The following AGBL2 variants were observed in gnomAD, a reference collection of about 807,000 sequenced individuals.
The protein encoded by AGBL2 is cytosolic carboxypeptidase 2.
AGBL2 carries 87 observed loss-of-function variants against 103.0 expected under a neutral mutation model. The observed-to-expected ratio is 0.84, with a 90% confidence interval of 0.71 to 1.01. The LOEUF (loss-of-function observed/expected upper bound fraction) is 1.01. Ranked by LOEUF, AGBL2 falls within the 50% of genes least tolerant of loss-of-function variation. The pLI is 0.00. For missense variants in AGBL2, 904 were observed against 1,023.5 expected, an observed-to-expected ratio of 0.88 and a Z score of 1.59; for synonymous variants, 335 against 356.7, an observed-to-expected ratio of 0.94 and a Z score of 0.69.
intron 14 of AGBL2, 23 bp from the exon 15 acceptor site, chr11:47,668,930 A>G: frequency 1.3e-6 from 2 of 1,570,736 alleles, no homozygotes; most frequent in Non-Finnish European, 8.8e-7. Flanking sequence ...GAAAAAAAGA[A>G]GAGGAAATAA....
At chr11:47,701,009 C>T (rs1319031736) in intron 7 of AGBL2, among the ~76,000 whole-genome samples, 3 of 150,648 alleles carry the variant, frequency 2.0e-5, no homozygotes, top group Admixed American at 6.6e-5. Flanking sequence ...TGAGCTGACG[C>T]GGTGCCACCG....
At chr11:47,670,684 C>T (rs2097354613) in intron 14 of AGBL2, among the ~76,000 whole-genome samples, 1 of 137,810 alleles carries the variant, frequency 7.3e-6, no homozygotes. Context: ...CAGTGATACC[C>T]TGTCTCTATT....
At chr11:47,704,457 TG>T in intron 7 of AGBL2, 85 bp downstream of exon 7, 1 of 1,222,260 alleles carries the variant, frequency 8.2e-7, no homozygotes, top group Admixed American at 2.4e-5. Flanking sequence ...CACTCCAGCC[TG>T]GGAAATAGAG....
At chr11:47,669,204 ACTACAGG>A (rs1203299859) in intron 14 of AGBL2, among the ~76,000 whole-genome samples, 1 of 152,262 alleles carries the variant, frequency 6.6e-6, no homozygotes, top group East Asian at 1.9e-4. Flanking sequence ...AGCAACTGAG[ACTACAGG>A]CTCATGCCGC....
At chr11:47,663,768 C>T (rs1429841821) in intron 17 of AGBL2, among the ~76,000 whole-genome samples, 2 of 152,004 alleles carry the variant, frequency 1.3e-5, no homozygotes, top group Non-Finnish European at 2.9e-5. Context: ...GTTGGTCAGG[C>T]TGGTCTTGAA....
intron 14 of AGBL2, among the ~76,000 whole-genome samples, chr11:47,673,829 G>C (rs1427078847): frequency 2.8e-5 from 4 of 144,198 alleles, no homozygotes; most frequent in African/African-American, 1.0e-4. Context: ...GCCAGGCGCA[G>C]TGGTTCATGC....
chr11:47,714,505 GAA>G, intron 2 of AGBL2, 111 bp downstream of exon 2: 1 of 1,386,964 alleles, frequency 7.2e-7, no homozygotes, highest in Non-Finnish European at 1.0e-6. Flanking sequence ...CTCCAGCTGA[GAA>G]AAGATGCCAC....
intron 14 of AGBL2, among the ~76,000 whole-genome samples, chr11:47,669,265 A>G (rs1170598618): frequency 6.6e-6 from 1 of 152,120 alleles, no homozygotes; most frequent in Middle Eastern, 3.2e-3. Context: ...ACAGGATCCC[A>G]CTATGTTGCC....
chr11:47,667,754 A>G, intron 15 of AGBL2, 58 bp from the exon 16 acceptor site: 3 of 1,572,264 alleles, frequency 1.9e-6, no homozygotes, highest in Non-Finnish European at 2.6e-6. Flanking sequence ...GCCCACCCAC[A>G]TGTGGCACTC....
chr11:47,677,176 T>A (rs1378675688), intron 14 of AGBL2, 95 bp downstream of exon 14: 1 of 1,070,142 alleles, frequency 9.3e-7, no homozygotes, highest in Non-Finnish European at 1.2e-6. Flanking sequence ...CCCAGCTAAT[T>A]TTTGTATTTT....
intron 14 of AGBL2, among the ~76,000 whole-genome samples, chr11:47,671,043 C>T (rs758503926): frequency 2.0e-5 from 3 of 152,180 alleles, no homozygotes; most frequent in Non-Finnish European, 2.9e-5. Flanking sequence ...AAAGTCTTCC[C>T]TCACAAACTG....
chr11:47,668,849 C>T lies in AGBL2; in HGVS notation c.2206G>A (p.Ala736Thr), dbSNP rs745441049. 5 of 1,612,788 alleles carry T rather than the reference C, an allele frequency of 3.1e-6. No individual in the cohort carries two copies. Among genetic ancestry groups the T allele is most frequent in the Non-Finnish European group, 4.2e-6 (5 of 1,179,218 alleles). ...ATAAGAGTTCAGCTTACCTCATCTG[C>T]TATGTTTGCTAGGTGAACAGGAAGA... ...DGLPVHLANI[A>T]DELTQKKKMF... The change falls in exon 15 of 19, where the codon GCA becomes ACA. Residue 736 changes from alanine to threonine, a missense_variant. Coordinates refer to ENST00000525123, the MANE Select transcript of AGBL2 (RefSeq NM_024783.4).
Position 47,699,472 on chromosome 11 carries a change from C to A in AGBL2, c.668G>T (p.Gly223Val). The change falls in exon 8 of 19, where the codon GGA becomes GTA. Residue 223 changes from glycine (G) to valine (V), a missense_variant. By Grantham distance (109) the Gly-to-Val change is moderately radical. Coordinates refer to ENST00000525123, the MANE Select transcript of AGBL2 (RefSeq NM_024783.4). The stretch of plus-strand genomic sequence containing the variant: ...TGAATCTAATTGATAGACAACTGTT[C>A]CTTTTTTCTCTCCTACAATCTCTGG... Reference protein sequence around the residue: ...KVPEIVGEKKGTVVYQLDSVP... With the variant: ...KVPEIVGEKKVTVVYQLDSVP... The A allele has an allele frequency of 1.3e-6, 2 of 1,598,526 alleles. No individual in the cohort carries two copies. The highest frequency in any genetic ancestry group is 1.7e-6 in the Non-Finnish European group (2 of 1,167,690).
At chr11:47,713,610 A>G (rs1219749795) in intron 3 of AGBL2, among the ~76,000 whole-genome samples, 1 of 150,866 alleles carries the variant, frequency 6.6e-6, no homozygotes, top group African/African-American at 2.4e-5. Flanking sequence ...TTTTTTTGAG[A>G]CAGAGTCTCA....
chr11:47,680,723 C>T (rs1304848824), intron 12 of AGBL2, among the ~76,000 whole-genome samples: 3 of 148,426 alleles, frequency 2.0e-5, no homozygotes. Context: ...GCCAGGGAGG[C>T]GAGGTTTCAG....
intron 17 of AGBL2, among the ~76,000 whole-genome samples, chr11:47,665,774 C>CCAAAGTGGG: frequency 6.6e-6 from 1 of 152,062 alleles, no homozygotes; most frequent in African/African-American, 2.4e-5. Flanking sequence ...CTTTGGGAGG[C>CCAAAGTGGG]TGAGGCAGGC....
At chr11:47,665,491 TG>T (rs2097339111) in intron 17 of AGBL2, among the ~76,000 whole-genome samples, 1 of 151,476 alleles carries the variant, frequency 6.6e-6, no homozygotes, top group South Asian at 2.1e-4. Flanking sequence ...CCACCGTGCC[TG>T]GCCACCCAGG....
intron 3 of AGBL2, among the ~76,000 whole-genome samples, chr11:47,713,449 T>A (rs1342974300): frequency 2.7e-5 from 4 of 146,636 alleles, no homozygotes; most frequent in African/African-American, 1.0e-4. Flanking sequence ...CTCTTGAACC[T>A]GGGAGGCAGA....
chr11:47,706,892 A>T (rs12365858), intron 4 of AGBL2, among the ~76,000 whole-genome samples: 767 of 71,448 alleles, frequency 0.011, 32 homozygotes, highest in Non-Finnish European at 0.016. Context: ...CTACTATTCC[A>T]AAAAAAAAAA....
Sources: gnomAD v4.1 joint callset for allele counts (sites outside exome capture counted in the v4.1 genomes callset) on GRCh38, gnomAD v4.1.1 for gene constraint, MANE v1.5 for transcripts, NCBI Gene and HGNC (gene_info 2026-07-23, HGNC 2026-07-21) for gene names.